The following ATP2B2 variants were observed in gnomAD, a reference collection of about 807,000 sequenced individuals.
The protein encoded by ATP2B2 is plasma membrane calcium-transporting ATPase 2.
ATP2B2 carries 15 observed loss-of-function variants against 120.0 expected under a neutral mutation model. That is an observed-to-expected ratio of 0.12 (90% CI 0.08 to 0.19). ATP2B2 has a LOEUF of 0.19. ATP2B2 is among the 10% of genes least tolerant of loss of function. The probability of loss-of-function intolerance (pLI) is 1.00; values close to 1 mark genes in which losing one functional copy is unlikely to be tolerated. For missense variants in ATP2B2, 1,045 were observed against 1,719.8 expected, an observed-to-expected ratio of 0.61 and a Z score of 6.94; for synonymous variants, 694 against 700.3, an observed-to-expected ratio of 0.99 and a Z score of 0.14.
intron 2 of ATP2B2, among the ~76,000 whole-genome samples, chr3:10,577,073 AG>A (rs139194213): frequency 1.5e-5 from 2 of 134,356 alleles, no homozygotes; most frequent in Non-Finnish European, 3.2e-5. Context: ...AAAAAAAAAA[AG>A]AAGCTGCCTG....
At chr3:10,589,356 A>G (rs973026295) in intron 2 of ATP2B2, among the ~76,000 whole-genome samples, 2 of 152,212 alleles carry the variant, frequency 1.3e-5, no homozygotes, top group Non-Finnish European at 2.9e-5. Flanking sequence ...GCCTGGAGAT[A>G]TAGAGATGAC....
intron 3 of ATP2B2, among the ~76,000 whole-genome samples, chr3:10,510,840 T>C (rs1033447648): frequency 3.9e-5 from 6 of 152,204 alleles, no homozygotes; most frequent in Admixed American, 2.6e-4. Context: ...TCCTTGGTAA[T>C]GCGGAGTCAT....
chr3:10,673,498 CAGAGAGAGAGAG>C (rs58286719), intron 1 of ATP2B2, among the ~76,000 whole-genome samples: 2 of 146,288 alleles, frequency 1.4e-5, no homozygotes, highest in African/African-American at 5.0e-5. Flanking sequence ...GAGAGAAAGA[CAGAGAGAGAGAG>C]AGAGAGAGGC....
At position 10,328,642 on chromosome 3, in the gene ATP2B2, G is replaced by A. The variant is rs113850742; in HGVS notation, c.*172C>T. ...AGTGAAAAAGAGTTCAAACAGCATC[G>A]CAGCCAGAGAAAGGGTCTGTGGGTG... is the stretch of plus-strand genomic sequence containing the variant. On this transcript the variant is annotated 3_prime_UTR_variant, in exon 23 of 23. Transcript: ENST00000360273. 2.5e-5 allele frequency: 17 copies of A among 681,094 alleles called. No individual in the cohort carries two copies. Among genetic ancestry groups the A allele is most frequent in the Middle Eastern group, 4.1e-4 (1 of 2,440 alleles). 42.2% of individuals were successfully genotyped at this position (681,094 alleles called of 1,614,324 possible).
intron 2 of ATP2B2, among the ~76,000 whole-genome samples, chr3:10,416,464 T>A (rs34916): frequency 0.67 from 102,038 of 151,942 alleles, 35,328 homozygotes; most frequent in African/African-American, 0.83. Flanking sequence ...CCGGTGTTTT[T>A]AAAAAAATGG....
chr3:10,492,018 AG>A (rs1045598541), intron 1 of ATP2B2, among the ~76,000 whole-genome samples: 2 of 152,232 alleles, frequency 1.3e-5, no homozygotes, highest in African/African-American at 2.4e-5. Flanking sequence ...GTGGGATGTG[AG>A]GAGAGGAAAA....
At chr3:10,526,044 C>G (rs951420996) in intron 3 of ATP2B2, among the ~76,000 whole-genome samples, 8 of 152,202 alleles carry the variant, frequency 5.3e-5, no homozygotes, top group African/African-American at 1.7e-4. Context: ...ATATCAAGTC[C>G]TTAACACAGT....
chr3:10,532,417 T>C (rs1325032286), intron 3 of ATP2B2, among the ~76,000 whole-genome samples: 2 of 152,322 alleles, frequency 1.3e-5, no homozygotes, highest in Non-Finnish European at 2.9e-5. Context: ...TTGAATTCCA[T>C]GGTGAAAATT....
chr3:10,697,416 G>A (rs1256469272), intron 1 of ATP2B2, among the ~76,000 whole-genome samples: 2 of 152,138 alleles, frequency 1.3e-5, no homozygotes, highest in Non-Finnish European at 2.9e-5. Flanking sequence ...GGGGACAGAA[G>A]GATCTACTCC....
chr3:10,416,278 A>T (rs1575164578), intron 2 of ATP2B2, among the ~76,000 whole-genome samples: 1 of 152,160 alleles, frequency 6.6e-6, no homozygotes, highest in East Asian at 1.9e-4. Context: ...CCTTGGCCTC[A>T]AAGTGCATCT....
rs1172498982 is a variant in ATP2B2 at position 10,375,406 on chromosome 3, G to A, written c.1416+24C>T. 2.5e-6 allele frequency: 4 copies of A among 1,590,160 alleles called. No homozygotes were observed. The highest frequency in any genetic ancestry group is 3.4e-6 in the Non-Finnish European group (4 of 1,162,292). On this transcript the variant is annotated intron_variant, in intron 11 of 22. Transcript: ENST00000360273. This position sits in a 1 kb window ranked among gnomAD's most constrained non-coding sequence, Gnocchi z 4.2. ...TCAGCTGCAGCTGCATCAGCCGGCTGGTCCTGCTCTCCTCCCCTCTCACCT... is the reference window on the plus strand; with the variant it reads ...TCAGCTGCAGCTGCATCAGCCGGCTAGTCCTGCTCTCCTCCCCTCTCACCT...
intron 2 of ATP2B2, among the ~76,000 whole-genome samples, chr3:10,618,651 C>A (rs1023883464): frequency 2.0e-5 from 3 of 152,322 alleles, no homozygotes; most frequent in African/African-American, 4.8e-5. Flanking sequence ...AAGGTACCCA[C>A]GCCCCAGCTC....
intron 2 of ATP2B2, 83 bp downstream of exon 2, chr3:10,449,262 C>A: frequency 6.9e-7 from 1 of 1,453,466 alleles, no homozygotes. Context: ...CCTGCTGTTA[C>A]ATATTATGAA....
At position 10,368,236 on chromosome 3, in the gene ATP2B2, A is replaced by G. The variant is rs77084948; in HGVS notation, c.1659+3573T>C. On this transcript the variant is annotated intron_variant, in intron 12 of 22. Coordinates refer to ENST00000360273, the MANE Select transcript of ATP2B2 (RefSeq NM_001001331.4). ...GGCTAATTGGGAGGTCTATGGATCAATGCTGCCTGGATGGCTGAGGGTAGT... is the reference window on the plus strand; with the variant it reads ...GGCTAATTGGGAGGTCTATGGATCAGTGCTGCCTGGATGGCTGAGGGTAGT... Among the ~76,000 whole-genome samples the G allele has an allele frequency of 7.4e-3, 1,129 of 152,092 alleles. 16 individuals carry two copies. The highest frequency in any genetic ancestry group is 0.026 in the African/African-American group (1,090 of 41,474).
intron 2 of ATP2B2, among the ~76,000 whole-genome samples, chr3:10,546,362 T>G (rs1370267493): frequency 1.3e-5 from 2 of 152,206 alleles, no homozygotes; most frequent in African/African-American, 2.4e-5. Context: ...AAATGATGCC[T>G]GTGTGTCCCC....
At chr3:10,443,714 C>T (rs1172694682) in intron 2 of ATP2B2, among the ~76,000 whole-genome samples, 1 of 152,206 alleles carries the variant, frequency 6.6e-6, no homozygotes, top group Non-Finnish European at 1.5e-5. Flanking sequence ...TTTTCAGTTG[C>T]ACAAACCAGA....
At chr3:10,391,676 C>A (rs3774163) in intron 5 of ATP2B2, among the ~76,000 whole-genome samples, 24,868 of 152,144 alleles carry the variant, frequency 0.16, 3,706 homozygotes, top group African/African-American at 0.39. Flanking sequence ...GAGCAATAGC[C>A]AGGGCAGGGG....
At chr3:10,372,331 C>T (rs1237848008) in intron 11 of ATP2B2, among the ~76,000 whole-genome samples, 5 of 152,186 alleles carry the variant, frequency 3.3e-5, no homozygotes, top group Non-Finnish European at 7.4e-5. Flanking sequence ...AATCTACATT[C>T]TTTACGGGAA....
At chr3:10,355,795 C>CCTGA (rs1574995047) in intron 14 of ATP2B2, among the ~76,000 whole-genome samples, 1 of 29,908 alleles carries the variant, frequency 3.3e-5, no homozygotes. Context: ...CCTTTCCGGC[C>CCTGA]GGGCGCGGTG....
Sources: gnomAD v4.1 joint callset for allele counts (sites outside exome capture counted in the v4.1 genomes callset) on GRCh38, gnomAD v4.1.1 for gene constraint, Gnocchi (gnomAD v3.1) non-coding constraint, MANE v1.5 for transcripts, NCBI Gene and HGNC (gene_info 2026-07-23, HGNC 2026-07-21) for gene names.